The following CAST variants were observed in gnomAD, a reference collection of about 807,000 sequenced individuals.
CAST encodes MIR583 host.
CAST carries 76 observed loss-of-function variants against 119.6 expected under a neutral mutation model. The observed-to-expected ratio is 0.64, with a 90% CI of 0.53 to 0.77. CAST has a LOEUF of 0.77. Among genes scored for constraint, CAST ranks in the 30% least tolerant of loss-of-function variants. The pLI, the probability that CAST is intolerant of heterozygous loss-of-function variation, is 0.00. For synonymous variants in CAST, 319 were observed against 331.6 expected (o/e 0.96, Z 0.41); for missense variants, 953 against 946.5 (o/e 1.01, Z -0.09).
At chr5:96,346,290 C>T in the CAST span, among the ~76,000 whole-genome samples, 464 of 152,266 alleles carry the variant, frequency 3.0e-3, 1 homozygote, top group Middle Eastern at 0.044. Context: ...AGGCAGAGAT[C>T]GTGACTGCTG....
chr5:96,708,786 G>A (rs908899298), intron 3 of CAST, among the ~76,000 whole-genome samples: 4 of 152,128 alleles, frequency 2.6e-5, no homozygotes, highest in African/African-American at 9.7e-5. Context: ...TACTCAACCC[G>A]AGGTGCAAAA....
At chr5:96,136,767 C>A in the CAST span, among the ~76,000 whole-genome samples, 1 of 152,152 alleles carries the variant, frequency 6.6e-6, no homozygotes, top group African/African-American at 2.4e-5. Flanking sequence ...GAAAAACTGG[C>A]TTTCCTCAGC....
At chr5:96,714,175 T>C (rs1294313801) in intron 3 of CAST, among the ~76,000 whole-genome samples, 1 of 152,184 alleles carries the variant, frequency 6.6e-6, no homozygotes, top group East Asian at 1.9e-4. Context: ...GAAGTAGGTA[T>C]CTTTTTTTAT....
the CAST span, among the ~76,000 whole-genome samples, chr5:96,400,653 G>T: frequency 6.6e-6 from 1 of 152,270 alleles, no homozygotes. Context: ...ACACAGACTG[G>T]CTACCTGCTG....
At chr5:96,538,552 A>C (rs1489984073) in intron 1 of CAST, among the ~76,000 whole-genome samples, 1 of 152,190 alleles carries the variant, frequency 6.6e-6, no homozygotes, top group East Asian at 1.9e-4. Flanking sequence ...ACTTTGGAAC[A>C]TCTCTTGAAT....
At chr5:96,377,606 A>T in the CAST span, among the ~76,000 whole-genome samples, 8,536 of 152,236 alleles carry the variant, frequency 0.056, 740 homozygotes, top group African/African-American at 0.19. Context: ...TAATAGGCTA[A>T]ACCTTCCAGG....
At chr5:96,417,120 C>T in the CAST span, among the ~76,000 whole-genome samples, 1 of 152,258 alleles carries the variant, frequency 6.6e-6, no homozygotes, top group East Asian at 1.9e-4. Flanking sequence ...TGGCCAGTTA[C>T]ATTTCAATTC....
chr5:96,361,809 CT>C, the CAST span, among the ~76,000 whole-genome samples: 336 of 68,622 alleles, frequency 4.9e-3, 6 homozygotes, highest in African/African-American at 0.02. Context: ...CTCTAGTATG[CT>C]TTTTTTTTTT....
intron 1 of CAST, among the ~76,000 whole-genome samples, chr5:96,566,205 G>A (rs565287730): frequency 1.3e-5 from 2 of 152,294 alleles, no homozygotes; most frequent in South Asian, 2.1e-4. Context: ...GACTTGACAC[G>A]CTCTGCCTTT....
the CAST span, among the ~76,000 whole-genome samples, chr5:96,194,649 T>G: frequency 9.2e-5 from 14 of 152,162 alleles, no homozygotes; most frequent in Admixed American, 9.2e-4. Context: ...AAAAAAGAAA[T>G]TAAATTTAAA....
the CAST span, among the ~76,000 whole-genome samples, chr5:96,496,039 G>A: frequency 6.6e-6 from 1 of 152,062 alleles, no homozygotes; most frequent in Non-Finnish European, 1.5e-5. Context: ...ATTTTCATAT[G>A]TGATAAAAAA....
At chr5:96,002,106 T>A in the CAST span, among the ~76,000 whole-genome samples, 5 of 152,238 alleles carry the variant, frequency 3.3e-5, no homozygotes, top group Non-Finnish European at 7.3e-5. Context: ...CTTTATAATC[T>A]TTATTTGGCA....
the CAST span, among the ~76,000 whole-genome samples, chr5:96,000,860 A>T: frequency 6.6e-6 from 1 of 152,180 alleles, no homozygotes; most frequent in African/African-American, 2.4e-5. Context: ...TCTTTTTGTA[A>T]AAAAACGCAA....
the CAST span, among the ~76,000 whole-genome samples, chr5:96,457,492 C>T: frequency 1.3e-5 from 2 of 152,104 alleles, no homozygotes; most frequent in Admixed American, 6.5e-5. Context: ...GATATGGCTA[C>T]GTTCCCTCCT....
At chr5:96,462,313 TAGC>T in the CAST span, among the ~76,000 whole-genome samples, 2 of 152,118 alleles carry the variant, frequency 1.3e-5, no homozygotes, top group Non-Finnish European at 2.9e-5. Flanking sequence ...TGACATCAAG[TAGC>T]TAGTCATTAA....
chr5:96,006,576 A>T, the CAST span, among the ~76,000 whole-genome samples: 57 of 152,238 alleles, frequency 3.7e-4, no homozygotes, highest in Non-Finnish European at 6.8e-4. Context: ...TTATCTGCTG[A>T]CTTCAGCTGA....
chr5:96,386,380 T>G, the CAST span, among the ~76,000 whole-genome samples: 7 of 152,348 alleles, frequency 4.6e-5, no homozygotes, highest in South Asian at 1.4e-3. Flanking sequence ...CTCGTTGCAG[T>G]TCAGTCTACA....
chr5:96,246,947 C>T, the CAST span, among the ~76,000 whole-genome samples: 9 of 152,180 alleles, frequency 5.9e-5, no homozygotes, highest in Non-Finnish European at 1.2e-4. Flanking sequence ...TCATAGCAAG[C>T]ATTAAACATT....
the CAST span, among the ~76,000 whole-genome samples, chr5:96,217,660 C>A: frequency 1.3e-5 from 2 of 152,188 alleles, no homozygotes; most frequent in African/African-American, 4.8e-5. Context: ...TGATCTATTA[C>A]TATGCACAAC....
Sources: allele counts gnomAD v4.1 joint callset (sites outside exome capture counted in the v4.1 genomes callset), GRCh38; gene constraint gnomAD v4.1.1; transcripts MANE v1.5; gene names NCBI Gene and HGNC (gene_info 2026-07-23, HGNC 2026-07-21).